The following NEBL variants were observed in gnomAD, a reference collection of about 807,000 sequenced individuals.
The protein encoded by NEBL is LIM and SH3 protein 2.
A neutral mutation model predicts 140.2 loss-of-function variants in NEBL; 122 were observed. The observed-to-expected ratio is 0.87, with a 90% CI of 0.75 to 1.01. NEBL has a LOEUF of 1.01. Among genes scored for constraint, NEBL ranks in the 50% least tolerant of loss-of-function variants. The pLI is 0.00. For missense variants in NEBL, 1,365 were observed against 1,231.3 expected, an observed-to-expected ratio of 1.11 and a Z score of -1.62; for synonymous variants, 436 against 398.9, an observed-to-expected ratio of 1.09 and a Z score of -1.11.
At chr10:20,808,435 A>T in intron 26 of NEBL, 75 bp downstream of exon 26, 16 of 1,483,022 alleles carry the variant, frequency 1.1e-5, no homozygotes, top group Non-Finnish European at 1.4e-5. Flanking sequence ...AAAAGTGAAA[A>T]GAATTTTAAA....
At chr10:21,125,852 T>C in intron 2 of NEBL, 1 of 1,613,202 alleles carries the variant, frequency 6.2e-7, no homozygotes, top group Non-Finnish European at 8.5e-7. Flanking sequence ...AGCACCTTCT[T>C]AGATACGTTG....
In NEBL at chr10:20,823,260, G is replaced by T; in HGVS notation, c.1910C>A (p.Ser637Tyr). The change falls in exon 19 of 28, where the codon TCT (serine) becomes TAT (tyrosine). Residue 637 changes from serine to tyrosine, a missense_variant. Coordinates refer to ENST00000377122, the MANE Select transcript of NEBL (RefSeq NM_006393.3). ...AACTCTCTTTAGTTCTGGAGGATCA[G>T]AAATGGCTGTTGCATGTTTAATCTC... The part of the protein sequence containing the change: ...KEEIKHATAI[S>Y]DPPELKRVKE... 6.2e-7 allele frequency: 1 copy of T among 1,609,624 alleles called. No individual in the cohort carries two copies.
In NEBL at chr10:21,070,139, T is replaced by C. The variant is rs1307179306; in HGVS notation, c.165-49938A>G. On this transcript the variant is annotated intron_variant, in intron 2 of 6. Coordinates refer to the NEBL transcript ENST00000417816. ...TTTTCGGGAGGCAAAATAGCATTAC[T>C]TGAGTTGGAATTTGGCCAGGACACT... 1.3e-5 allele frequency: 5 copies of C among 370,546 alleles called. No homozygotes were observed. In the East Asian group the frequency reaches 3.9e-4, roughly 29 times the overall value. The allele number at this position is 370,546 out of a possible 1,614,324, so 23.0% of individuals were successfully genotyped here. A position where few individuals can be genotyped will look rare whatever the true frequency, so the allele number is the denominator to read the frequency against.
At chr10:21,009,825 G>A (rs1212434877) in intron 3 of NEBL, among the ~76,000 whole-genome samples, 1 of 152,106 alleles carries the variant, frequency 6.6e-6, no homozygotes, top group African/African-American at 2.4e-5. Context: ...AAGTTCTGAG[G>A]TAAAGGAAAA....
intron 1 of NEBL, among the ~76,000 whole-genome samples, chr10:21,272,926 A>G (rs1842876536): frequency 6.6e-6 from 1 of 152,194 alleles, no homozygotes; most frequent in African/African-American, 2.4e-5. Flanking sequence ...AGCCAGGATC[A>G]TGCTGGCCAT....
intron 3 of NEBL, among the ~76,000 whole-genome samples, chr10:21,233,443 G>C (rs937556813): frequency 2.0e-5 from 3 of 151,798 alleles, no homozygotes; most frequent in African/African-American, 7.3e-5. Context: ...TATAATTTGG[G>C]AAGGACTCTT....
intron 2 of NEBL, among the ~76,000 whole-genome samples, chr10:21,020,748 A>G (rs1052619333): frequency 2.0e-5 from 3 of 152,024 alleles, no homozygotes; most frequent in Non-Finnish European, 4.4e-5. Flanking sequence ...CCGGGTTTAC[A>G]CACACCCCTG....
intron 2 of NEBL, among the ~76,000 whole-genome samples, chr10:21,046,241 G>T (rs563933790): frequency 6.6e-6 from 1 of 152,212 alleles, no homozygotes; most frequent in South Asian, 2.1e-4. Flanking sequence ...GAGAGGAATA[G>T]GGAGATGTTG....
chr10:21,096,451 A>G (rs1837188529), intron 2 of NEBL, among the ~76,000 whole-genome samples: 1 of 152,026 alleles, frequency 6.6e-6, no homozygotes, highest in African/African-American at 2.4e-5. Context: ...GAAAAAAAAC[A>G]GAATGTTTAC....
chr10:20,890,188 C>T (rs1846911066), intron 2 of NEBL, among the ~76,000 whole-genome samples: 1 of 152,150 alleles, frequency 6.6e-6, no homozygotes, highest in Non-Finnish European at 1.5e-5. Flanking sequence ...AGCATCAACA[C>T]CAGGCGTGCT....
chr10:21,292,508 A>G (rs1843158963), intron 1 of NEBL, among the ~76,000 whole-genome samples: 1 of 152,214 alleles, frequency 6.6e-6, no homozygotes, highest in Non-Finnish European at 1.5e-5. Context: ...AAATTGACTG[A>G]GAAAGTAACA....
At chr10:21,213,596 A>G (rs1841948123) in intron 3 of NEBL, among the ~76,000 whole-genome samples, 1 of 152,192 alleles carries the variant, frequency 6.6e-6, no homozygotes, top group Admixed American at 6.5e-5. Flanking sequence ...GCATTCATGA[A>G]GATGCTCTCA....
chr10:20,912,315 G>C (rs1339487307), intron 4 of NEBL, among the ~76,000 whole-genome samples: 1 of 152,208 alleles, frequency 6.6e-6, no homozygotes, highest in African/African-American at 2.4e-5. Flanking sequence ...GCTGGGTGTG[G>C]TGGTGTGTGC....
At chr10:21,116,828 C>A (rs1206579335) in intron 2 of NEBL, among the ~76,000 whole-genome samples, 1 of 151,916 alleles carries the variant, frequency 6.6e-6, no homozygotes, top group Non-Finnish European at 1.5e-5. Context: ...CCGCACCAAT[C>A]CCAGCAACTT....
At chr10:20,892,135 T>C (rs1369237082) in intron 2 of NEBL, among the ~76,000 whole-genome samples, 1 of 152,336 alleles carries the variant, frequency 6.6e-6, no homozygotes, top group East Asian at 1.9e-4. Context: ...GATGGATTAA[T>C]GAGAGCAGCC....
chr10:21,193,172 G>A (rs1233222487), intron 3 of NEBL, among the ~76,000 whole-genome samples: 1 of 152,174 alleles, frequency 6.6e-6, no homozygotes, highest in Non-Finnish European at 1.5e-5. Flanking sequence ...AGGCTGACAG[G>A]GAGGAAGAAT....
intron 1 of NEBL, among the ~76,000 whole-genome samples, chr10:21,288,273 G>T (rs1365542557): frequency 2.0e-5 from 3 of 152,124 alleles, no homozygotes; most frequent in East Asian, 3.9e-4. Flanking sequence ...TTCGAGACCA[G>T]CCTGGCCAAC....
In NEBL at chr10:20,968,340, TA is replaced by T. The variant is rs201526111; in HGVS notation, c.250-6562del. 5.2e-3 allele frequency among the ~76,000 whole-genome samples: 730 copies of T among 139,338 alleles called. 2 individuals carry two copies. The highest frequency in any genetic ancestry group is 8.7e-3 in the African/African-American group (333 of 38,144). The allele number at this position is 139,338 out of a possible 152,430, so 91.4% of individuals were successfully genotyped here. On this transcript the variant is annotated intron_variant, in intron 3 of 6. Transcript: ENST00000417816. ...GGCAACATAGCAAGGCCCCATCTCT[TA>T]AAAAAAAAAAAAAATTAAAATCAGC...
intron 2 of NEBL, among the ~76,000 whole-genome samples, chr10:21,103,923 T>C (rs1416229101): frequency 6.6e-6 from 1 of 152,216 alleles, no homozygotes; most frequent in Non-Finnish European, 1.5e-5. Context: ...GCCTGAACTC[T>C]TACATTTAAG....
Sources: allele counts gnomAD v4.1 joint callset (sites outside exome capture counted in the v4.1 genomes callset), GRCh38; gene constraint gnomAD v4.1.1; transcripts MANE v1.5; gene names NCBI Gene and HGNC (gene_info 2026-07-23, HGNC 2026-07-21).